PAK5: variants seen among roughly 807,000 people sequenced by gnomAD.
The protein encoded by PAK5 is serine/threonine-protein kinase PAK 5.
PAK5 carries 16 observed loss-of-function variants against 65.9 expected under a neutral mutation model. The ratio of observed to expected loss-of-function variants is 0.24; its 90% CI spans 0.16 to 0.37. The LOEUF (loss-of-function observed/expected upper bound fraction) is 0.37. Among genes scored for constraint, PAK5 ranks in the 10% least tolerant of loss-of-function variants. The pLI, the probability that PAK5 is intolerant of heterozygous loss-of-function variation, is 1.00. For synonymous variants in PAK5, 371 were observed against 354.9 expected (o/e 1.05, Z -0.51); for missense variants, 785 against 903.9 (o/e 0.87, Z 1.69).
chr20:9,669,387 C>A (rs1437186930), intron 2 of PAK5, among the ~76,000 whole-genome samples: 1 of 152,056 alleles, frequency 6.6e-6, no homozygotes. Flanking sequence ...CCCTTTTTAA[C>A]TTTTATTTTA....
chr20:9,626,416 T>C (rs1165952604), intron 3 of PAK5, among the ~76,000 whole-genome samples: 1 of 152,240 alleles, frequency 6.6e-6, no homozygotes, highest in Non-Finnish European at 1.5e-5. Context: ...GCAACAACGA[T>C]ATTTAACTTG....
chr20:9,786,681 C>T (rs2048996325), intron 1 of PAK5, among the ~76,000 whole-genome samples: 1 of 151,978 alleles, frequency 6.6e-6, no homozygotes, highest in Non-Finnish European at 1.5e-5. Context: ...TAAGATACAC[C>T]TATATAATTG....
At chr20:9,657,479 G>A (rs971674402) in intron 2 of PAK5, among the ~76,000 whole-genome samples, 1 of 151,974 alleles carries the variant, frequency 6.6e-6, no homozygotes, top group Non-Finnish European at 1.5e-5. Context: ...TTATTTTTTT[G>A]ATCGCTTGTA....
rs139016448 is a variant in PAK5, at chr20:9,657,306, G to A, written c.-11-12967C>T. Among the ~76,000 whole-genome samples the A allele has an allele frequency of 1.1e-3, 168 of 152,216 alleles. 1 individual carries two copies. Among genetic ancestry groups the A allele is most frequent in the Middle Eastern group, 3.4e-3 (1 of 294 alleles). On this transcript the variant is annotated intron_variant, in intron 2 of 9. Coordinates refer to ENST00000353224, the MANE Select transcript of PAK5 (RefSeq NM_177990.4). Reference sequence around the variant, plus strand: ...CACGAGGCCCTAGCACTCCATCCACGTTGTTCCATGTATCAATAGTTCATT... The same window carrying A: ...CACGAGGCCCTAGCACTCCATCCACATTGTTCCATGTATCAATAGTTCATT...
At chr20:9,777,272 G>C (rs137948272) in intron 1 of PAK5, among the ~76,000 whole-genome samples, 11 of 152,292 alleles carry the variant, frequency 7.2e-5, no homozygotes, top group Middle Eastern at 3.4e-3. Flanking sequence ...TGGTTTGGCT[G>C]TGTCCCCACC....
intron 2 of PAK5, among the ~76,000 whole-genome samples, chr20:9,644,991 T>C (rs2047114766): frequency 6.6e-6 from 1 of 152,184 alleles, no homozygotes; most frequent in South Asian, 2.1e-4. Flanking sequence ...GAATAAAATA[T>C]ATGCATACAT....
intron 1 of PAK5, among the ~76,000 whole-genome samples, chr20:9,798,767 G>A (rs2049134204): frequency 6.6e-6 from 1 of 152,130 alleles, no homozygotes; most frequent in South Asian, 2.1e-4. Context: ...ACAATCATGA[G>A]TGGCTGGGTT....
chr20:9,714,172 G>A (rs73242878), intron 1 of PAK5, among the ~76,000 whole-genome samples: 14 of 152,028 alleles, frequency 9.2e-5, no homozygotes, highest in Admixed American at 2.0e-4. Context: ...CCCAGAGCCC[G>A]GGTATTTTCT....
At chr20:9,731,432 AG>A (rs1283049178) in intron 1 of PAK5, among the ~76,000 whole-genome samples, 1 of 152,184 alleles carries the variant, frequency 6.6e-6, no homozygotes. Context: ...TTATGCTTTC[AG>A]CACAAATCAA....
At chr20:9,735,351 G>A (rs2048377038) in intron 1 of PAK5, among the ~76,000 whole-genome samples, 1 of 152,184 alleles carries the variant, frequency 6.6e-6, no homozygotes, top group Non-Finnish European at 1.5e-5. Context: ...TTTGTACAAT[G>A]TCTCCCTCAA....
At chr20:9,671,361 G>T (rs1399963050) in intron 2 of PAK5, among the ~76,000 whole-genome samples, 1 of 152,186 alleles carries the variant, frequency 6.6e-6, no homozygotes, top group Non-Finnish European at 1.5e-5. Context: ...AAATTACCTT[G>T]GGCAGTATGG....
chr20:9,718,414 C>T (rs1450874775), intron 1 of PAK5, among the ~76,000 whole-genome samples: 5 of 152,078 alleles, frequency 3.3e-5, no homozygotes, highest in Admixed American at 3.3e-4. Context: ...ATCCACTTTT[C>T]CTTGTACCCA....
chr20:9,635,586 C>G (rs1269439598), intron 3 of PAK5, among the ~76,000 whole-genome samples: 1 of 152,104 alleles, frequency 6.6e-6, no homozygotes, highest in East Asian at 1.9e-4. Context: ...TGAATATATC[C>G]CTTTCCAAGG....
At chr20:9,598,311 G>A (rs57091959) in intron 3 of PAK5, among the ~76,000 whole-genome samples, 8,747 of 152,166 alleles carry the variant, frequency 0.057, 782 homozygotes, top group African/African-American at 0.19. Flanking sequence ...ATGGCTGTGT[G>A]GTATTCCATG....
At chr20:9,757,304 C>A (rs2048646551) in intron 1 of PAK5, among the ~76,000 whole-genome samples, 1 of 152,142 alleles carries the variant, frequency 6.6e-6, no homozygotes, top group South Asian at 2.1e-4. Flanking sequence ...ATAAACCTAA[C>A]AACTTCTTAA....
chr20:9,728,683 G>T (rs1190608751), intron 1 of PAK5, among the ~76,000 whole-genome samples: 2 of 151,850 alleles, frequency 1.3e-5, no homozygotes, highest in African/African-American at 2.4e-5. Context: ...GAAAACTGAT[G>T]AAATCAAACA....
chr20:9,820,439 ACCT>A (rs999907867), intron 1 of PAK5, among the ~76,000 whole-genome samples: 1 of 151,918 alleles, frequency 6.6e-6, no homozygotes, highest in African/African-American at 2.4e-5. Context: ...TCTACTCCTC[ACCT>A]CCTCCAAGGA....
chr20:9,801,644 T>C (rs930410350), intron 1 of PAK5, among the ~76,000 whole-genome samples: 7 of 151,874 alleles, frequency 4.6e-5, no homozygotes, highest in African/African-American at 1.7e-4. Context: ...GAAGAAAAAC[T>C]AAAATTTTCT....
intron 7 of PAK5, among the ~76,000 whole-genome samples, chr20:9,556,486 G>A (rs747813543): frequency 5.9e-5 from 9 of 152,236 alleles, no homozygotes; most frequent in Non-Finnish European, 1.3e-4. Context: ...TGTGGCAGGG[G>A]TTGCAGGTGT....
Sources: allele counts gnomAD v4.1 joint callset (sites outside exome capture counted in the v4.1 genomes callset), GRCh38; gene constraint gnomAD v4.1.1; transcripts MANE v1.5; gene names NCBI Gene and HGNC (gene_info 2026-07-23, HGNC 2026-07-21).